Variants in ACOXL observed in about 807,000 individuals in gnomAD.
ACOXL encodes the protein acyl-coenzyme A oxidase-like protein.
ACOXL carries 70 observed loss-of-function variants against 71.9 expected under a neutral mutation model. The ratio of observed to expected loss-of-function variants is 0.97; its 90% confidence interval spans 0.80 to 1.19. ACOXL has a LOEUF of 1.19. ACOXL is among the 50% of genes most tolerant of loss of function. The pLI, the probability that ACOXL is intolerant of heterozygous loss-of-function variation, is 0.00. For missense variants in ACOXL, 703 were observed against 736.3 expected, an observed-to-expected ratio of 0.95 and a Z score of 0.52; for synonymous variants, 253 against 281.6, an observed-to-expected ratio of 0.90 and a Z score of 1.02.
At chr2:110,805,430 G>A in intron 9 of ACOXL, 35 bp downstream of exon 9, 1 of 1,613,734 alleles carries the variant, frequency 6.2e-7, no homozygotes, top group South Asian at 1.1e-5. Context: ...ATTATCTACT[G>A]TGAATTCTCT....
At chr2:111,066,026 T>G (rs1183619176) in intron 16 of ACOXL, among the ~76,000 whole-genome samples, 1 of 152,168 alleles carries the variant, frequency 6.6e-6, no homozygotes, top group Non-Finnish European at 1.5e-5. Context: ...CACTCTTGGG[T>G]ATTTATCCCC....
intron 15 of ACOXL, among the ~76,000 whole-genome samples, chr2:111,032,123 A>G (rs1334312793): frequency 6.6e-6 from 1 of 152,218 alleles, no homozygotes; most frequent in African/African-American, 2.4e-5. Context: ...CTGCCTGAGG[A>G]ATTTTAAGTG....
At chr2:110,766,488 C>T (rs747366661) in intron 1 of ACOXL, among the ~76,000 whole-genome samples, 2 of 152,168 alleles carry the variant, frequency 1.3e-5, no homozygotes, top group African/African-American at 2.4e-5. Flanking sequence ...ATCCCCTCCC[C>T]ACTGGGCTGA....
In ACOXL at chr2:110,732,586, T is replaced by A. The variant is rs1368110966; in HGVS notation, c.-211T>A. The A allele has an allele frequency of 6.6e-6, 1 of 152,536 alleles. No individual in the cohort carries two copies. The highest frequency in any genetic ancestry group is 1.9e-4 in the East Asian group (1 of 5,148). The allele number at this position is 152,536 out of a possible 1,614,324, so 9.4% of individuals were successfully genotyped here. A position where few individuals can be genotyped will look rare whatever the true frequency, so the allele number is the denominator to read the frequency against. ...GCCTGGGGCCTCACCTGCTGGGAGC[T>A]GGAGGAGGCGCGGAGCGAAGCCGGC... On this transcript the variant is annotated 5_prime_UTR_variant, in exon 1 of 18. Transcript: ENST00000439055.
At chr2:111,050,528 G>A (rs536312999) in intron 16 of ACOXL, among the ~76,000 whole-genome samples, 1 of 152,320 alleles carries the variant, frequency 6.6e-6, no homozygotes, top group Admixed American at 6.5e-5. Context: ...CTTGGGCCCT[G>A]GATGCTCACC....
intron 14 of ACOXL, among the ~76,000 whole-genome samples, chr2:111,024,737 G>T (rs1230267205): frequency 6.6e-6 from 1 of 151,972 alleles, no homozygotes; most frequent in African/African-American, 2.4e-5. Flanking sequence ...CTTGTTATCA[G>T]GAAAACAGTA....
intron 10 of ACOXL, among the ~76,000 whole-genome samples, chr2:110,842,188 C>T (rs759711693): frequency 2.0e-5 from 3 of 152,062 alleles, no homozygotes; most frequent in Non-Finnish European, 4.4e-5. Context: ...TCAATATACA[C>T]GTGAATTGGG....
At chr2:110,792,049 G>A (rs1036007561) in intron 3 of ACOXL, among the ~76,000 whole-genome samples, 9 of 152,108 alleles carry the variant, frequency 5.9e-5, no homozygotes, top group African/African-American at 2.2e-4. Flanking sequence ...AGATTTCATA[G>A]CCTCACAAAA....
chr2:111,015,959 A>C (rs1340350517), intron 14 of ACOXL, among the ~76,000 whole-genome samples: 1 of 151,978 alleles, frequency 6.6e-6, no homozygotes, highest in Non-Finnish European at 1.5e-5. Context: ...TAGAGACGGG[A>C]TCTTACTCTG....
intron 16 of ACOXL, among the ~76,000 whole-genome samples, chr2:111,058,174 G>A (rs2066640205): frequency 6.6e-6 from 1 of 152,234 alleles, no homozygotes; most frequent in Non-Finnish European, 1.5e-5. Context: ...GGCTCTCGGA[G>A]ACTAAAGTTA....
At chr2:111,071,098 C>T (rs2067318587) in intron 16 of ACOXL, among the ~76,000 whole-genome samples, 1 of 152,176 alleles carries the variant, frequency 6.6e-6, no homozygotes, top group South Asian at 2.1e-4. Flanking sequence ...GCTGCCACTG[C>T]CTGTCACCTT....
chr2:110,889,042 C>T (rs1251570008), intron 10 of ACOXL, among the ~76,000 whole-genome samples: 1 of 152,172 alleles, frequency 6.6e-6, no homozygotes, highest in Admixed American at 6.5e-5. Context: ...TTTAGAATAC[C>T]TTCTGCATGG....
chr2:111,028,234 A>G (rs1268204127), intron 14 of ACOXL, among the ~76,000 whole-genome samples: 1 of 151,998 alleles, frequency 6.6e-6, no homozygotes, highest in Admixed American at 6.6e-5. Context: ...TTTTCTACAT[A>G]GACAATCATG....
intron 14 of ACOXL, among the ~76,000 whole-genome samples, chr2:111,025,064 T>A (rs565387816): frequency 6.6e-6 from 1 of 152,208 alleles, no homozygotes; most frequent in East Asian, 1.9e-4. Context: ...AACTTTGCAG[T>A]CAATCCCTTC....
intron 3 of ACOXL, among the ~76,000 whole-genome samples, chr2:110,792,184 A>G (rs917751972): frequency 5.3e-5 from 8 of 152,206 alleles, no homozygotes; most frequent in Non-Finnish European, 1.2e-4. Flanking sequence ...TGGGCTCCCA[A>G]CTCATCCTAA....
At chr2:110,782,686 G>A (rs1403743867) in intron 2 of ACOXL, among the ~76,000 whole-genome samples, 1 of 152,206 alleles carries the variant, frequency 6.6e-6, no homozygotes, top group Non-Finnish European at 1.5e-5. Flanking sequence ...AAAGTGGTGA[G>A]TAAAAATGAC....
intron 1 of ACOXL, among the ~76,000 whole-genome samples, chr2:110,737,521 C>T (rs1677013587): frequency 6.6e-6 from 1 of 152,192 alleles, no homozygotes; most frequent in Admixed American, 6.5e-5. Flanking sequence ...TTATTTCCTT[C>T]TGTCACAACC....
At chr2:110,743,722 G>A (rs2104726367) in intron 1 of ACOXL, among the ~76,000 whole-genome samples, 1 of 152,290 alleles carries the variant, frequency 6.6e-6, no homozygotes, top group Middle Eastern at 3.4e-3. Flanking sequence ...CTCCGCCCAA[G>A]GCTTTCAGAA....
chr2:110,966,437 T>C (rs927494953), intron 12 of ACOXL, among the ~76,000 whole-genome samples: 5 of 152,140 alleles, frequency 3.3e-5, no homozygotes, highest in African/African-American at 1.2e-4. Context: ...CACTACTCTG[T>C]GTTCTCCCCA....
Sources: allele counts gnomAD v4.1 joint callset (sites outside exome capture counted in the v4.1 genomes callset), GRCh38; gene constraint gnomAD v4.1.1; transcripts MANE v1.5; gene names NCBI Gene and HGNC (gene_info 2026-07-23, HGNC 2026-07-21).